Variants in MYO1F observed in about 807,000 individuals in gnomAD.
MYO1F encodes the protein myosin IF, also known as unconventional myosin-If.
A neutral mutation model predicts 146.6 loss-of-function variants in MYO1F; 60 were observed. The observed-to-expected ratio is 0.41, with a 90% confidence interval of 0.33 to 0.51. The LOEUF (loss-of-function observed/expected upper bound fraction) is 0.51, where lower values mean the gene tolerates loss of function less well. MYO1F is among the 20% of genes least tolerant of loss of function. The pLI is 0.25. For synonymous variants in MYO1F, 602 were observed against 602.1 expected, an observed-to-expected ratio of 1.00 and a Z score of 0.00; for missense variants, 1,274 against 1,534.3, an observed-to-expected ratio of 0.83 and a Z score of 2.83.
chr19:8,563,084 C>T (rs79348958), intron 1 of MYO1F, among the ~76,000 whole-genome samples: 14,436 of 151,696 alleles, frequency 0.095, 861 homozygotes, highest in Non-Finnish European at 0.13. Flanking sequence ...CTCTGCCTCC[C>T]GGGTCCAAGT....
At chr19:8,543,909 G>A (rs1446131736) in intron 14 of MYO1F, among the ~76,000 whole-genome samples, 5 of 108,104 alleles carry the variant, frequency 4.6e-5, no homozygotes, top group African/African-American at 2.3e-4. Context: ...GGTGGTGGTG[G>A]TGGTGGTGGT....
intron 19 of MYO1F, among the ~76,000 whole-genome samples, chr19:8,535,711 G>A (rs191693528): frequency 1.4e-5 from 2 of 147,720 alleles, no homozygotes; most frequent in Non-Finnish European, 3.0e-5. Flanking sequence ...ACGGAGTCTC[G>A]CTCTGTCGCC....
chr19:8,543,675 CTGGTGGTGG>C (rs1191447239), intron 14 of MYO1F, among the ~76,000 whole-genome samples: 2 of 36,196 alleles, frequency 5.5e-5, no homozygotes, highest in South Asian at 1.3e-3. Context: ...GGTGGTGGTG[CTGGTGGTGG>C]TGGTGGTGGT....
At chr19:8,571,421 C>CTCT (rs1555731840) in intron 1 of MYO1F, among the ~76,000 whole-genome samples, 1 of 144,740 alleles carries the variant, frequency 6.9e-6, no homozygotes, top group Non-Finnish European at 1.5e-5. Context: ...CTCTCTCTCT[C>CTCT]TTTTTTTTTT....
intron 2 of MYO1F, 65 bp from the exon 3 acceptor site, chr19:8,554,808 G>A (rs1973776234): frequency 2.1e-6 from 3 of 1,440,076 alleles, no homozygotes; most frequent in Admixed American, 3.4e-5. Flanking sequence ...CCCTCATCCT[G>A]CCCCCACCCA....
rs1973561058 is a variant in MYO1F at position 8,550,560 on chromosome 19, A to G, written c.904+2T>C. On this transcript the variant is annotated splice_donor_variant, in intron 9 of 27. Coordinates refer to ENST00000644032, the MANE Select transcript of MYO1F (RefSeq NM_012335.4). LOFTEE classifies it high-confidence loss of function. ...CCAGCCCTCCCTGATACCCACACTC[A>G]CGGTCCACACTCTCCACTCGGGCGT... 6.2e-7 allele frequency: 1 copy of G among 1,613,752 alleles called. No individual in the cohort carries two copies. Among genetic ancestry groups the G allele is most frequent in the South Asian group, 1.1e-5 (1 of 91,076 alleles).
intron 27 of MYO1F, 133 bp downstream of exon 27, chr19:8,522,244 G>T (rs375412458): frequency 3.6e-6 from 4 of 1,122,644 alleles, no homozygotes; most frequent in Admixed American, 3.8e-5. Context: ...GGATGGTCTC[G>T]ATCTCCTGAC....
At position 8,530,091 on chromosome 19, in the gene MYO1F, G is replaced by A. The variant is rs1972417667; in HGVS notation, c.2328+105C>T. ...AGGGTGTACCTGTGATGGAACAGAT[G>A]GATCTAGGCTGGGGGATATCTGGCT... On this transcript the variant is annotated intron_variant, in intron 21 of 27. Coordinates refer to ENST00000644032, the MANE Select transcript of MYO1F (RefSeq NM_012335.4). This position sits in a 1 kb window ranked among gnomAD's most constrained non-coding sequence, Gnocchi z 5.8. The A allele has an allele frequency of 3.4e-6, 5 of 1,474,468 alleles. No individual in the cohort carries two copies. The highest frequency in any genetic ancestry group is 2.3e-5 in the South Asian group (2 of 88,262). 91.3% of individuals were successfully genotyped at this position (1,474,468 alleles called of 1,614,324 possible).
At chr19:8,537,181 T>C in intron 16 of MYO1F, 126 bp from the exon 17 acceptor site, 1 of 692,628 alleles carries the variant, frequency 1.4e-6, no homozygotes, top group South Asian at 1.6e-5. Context: ...TGGTAACAGA[T>C]AAGCCACAGG....
chr19:8,544,434 C>T lies in MYO1F; in HGVS notation c.1387G>A (p.Asp463Asn). 7 of 1,611,798 alleles carry T rather than the reference C, an allele frequency of 4.3e-6. No individual in the cohort carries two copies. Among genetic ancestry groups the T allele is most frequent in the Non-Finnish European group, 5.9e-6 (7 of 1,179,754 alleles). The change falls in exon 14 of 28, where the codon GAC (aspartate) becomes AAC (asparagine). Residue 463 changes from aspartate (D) to asparagine (N), a missense_variant. Asp to Asn is a conservative substitution (Grantham distance 23). Transcript: ENST00000644032. The stretch of plus-strand genomic sequence containing the variant: ...GTGGCGTGCATGGTGGCGCACACGT[C>T]GTCCAAGACGCTCATGATGCCTGGG... ...SPPGIMSVLD[D>N]VCATMHATGG...
chr19:8,540,303 G>A (rs919854690), intron 15 of MYO1F: 2 of 359,974 alleles, frequency 5.6e-6, no homozygotes, highest in Non-Finnish European at 9.9e-6. Flanking sequence ...TGTATTGAAT[G>A]CCACTGAATT....
intron 19 of MYO1F, among the ~76,000 whole-genome samples, chr19:8,534,543 G>A (rs1333335308): frequency 6.6e-6 from 1 of 151,904 alleles, no homozygotes; most frequent in Non-Finnish European, 1.5e-5. Context: ...CTAACCTCAA[G>A]TGATCCACCA....
chr19:8,571,377 G>T (rs558745656), intron 1 of MYO1F, among the ~76,000 whole-genome samples: 1 of 152,108 alleles, frequency 6.6e-6, no homozygotes, highest in East Asian at 1.9e-4. Context: ...CCTCAGGGGA[G>T]CAGGGGGACT....
At chr19:8,536,213 TC>T (rs1214529669) in intron 19 of MYO1F, 38 bp downstream of exon 19, 1 of 1,596,856 alleles carries the variant, frequency 6.3e-7, no homozygotes, top group Admixed American at 1.7e-5. Context: ...TTCTCTCTCT[TC>T]CCCTCTCCTT....
In MYO1F at chr19:8,555,652, AG is replaced by A. The variant is rs754683729; in HGVS notation, c.141+6del. 6.2e-7 allele frequency: 1 copy of A among 1,613,828 alleles called. No individual in the cohort carries two copies. Among genetic ancestry groups the A allele is most frequent in the Non-Finnish European group, 8.5e-7 (1 of 1,179,930 alleles). On this transcript the variant is annotated splice_donor_region_variant and intron_variant, in intron 2 of 27. Coordinates refer to ENST00000644032, the MANE Select transcript of MYO1F (RefSeq NM_012335.4). ...GCCTGCCCACCCCCAGCCTTGGCCC[AG>A]GGTACGAAGATGTAGTCGTCCATGA...
chr19:8,567,456 C>T (rs2042025626), intron 1 of MYO1F, among the ~76,000 whole-genome samples: 1 of 152,082 alleles, frequency 6.6e-6, no homozygotes, highest in Non-Finnish European at 1.5e-5. Context: ...GCAACCTCCA[C>T]CTCCTGGGTT....
rs1972879507 is a variant in MYO1F at position 8,539,799 on chromosome 19, T to C, written c.1692+148A>G. The C allele has an allele frequency of 1.3e-5, 9 of 674,110 alleles. No homozygotes were observed. The East Asian group carries it at 2.3e-4, about 17-fold the overall frequency. 41.8% of individuals were successfully genotyped at this position (674,110 alleles called of 1,614,324 possible). A position where few individuals can be genotyped will look rare whatever the true frequency, so the allele number is the denominator to read the frequency against. On this transcript the variant is annotated intron_variant, in intron 16 of 27. Coordinates refer to ENST00000644032, the MANE Select transcript of MYO1F (RefSeq NM_012335.4). The stretch of plus-strand genomic sequence containing the variant: ...ACCCAGAGCTGGAGGAAGACCCTGC[T>C]GAACAGATGACGTCACAGTCAGAGG...
At position 8,530,577 on chromosome 19, in the gene MYO1F, G is replaced by C. The variant is rs1279776905; in HGVS notation, c.2044-4C>G. On this transcript the variant is annotated splice_polypyrimidine_tract_variant and splice_region_variant and intron_variant, in intron 19 of 27. Transcript: ENST00000644032. This position sits in a 1 kb window ranked among gnomAD's most constrained non-coding sequence, Gnocchi z 5.8. Reference sequence around the variant, plus strand: ...GCACCTCCTCCAGGAGGAAAAGCTGGGCGGGGGTCGTGGGGGGCAAGGGTG... The same window carrying C: ...GCACCTCCTCCAGGAGGAAAAGCTGCGCGGGGGTCGTGGGGGGCAAGGGTG... 1 of 1,609,228 alleles carries C rather than the reference G, an allele frequency of 6.2e-7. No individual in the cohort carries two copies. Among genetic ancestry groups the C allele is most frequent in the African/African-American group, 1.3e-5 (1 of 75,038 alleles).
In MYO1F at chr19:8,552,055, C is replaced by T; in HGVS notation, c.614G>A (p.Arg205Lys). 6.2e-7 allele frequency: 1 copy of T among 1,614,048 alleles called. No individual in the cohort carries two copies. The highest frequency in any genetic ancestry group is 1.1e-5 in the South Asian group (1 of 91,086). The change falls in exon 7 of 28, where the codon AGG becomes AAG. Residue 205 changes from arginine (R) to lysine (K), a missense_variant. Physicochemically the swap from Arg to Lys is conservative, Grantham distance 26. This residue lies in a region of MYO1F where 900 missense variants were observed against 1,155.1 expected (regional missense o/e 0.78). Coordinates refer to ENST00000644032, the MANE Select transcript of MYO1F (RefSeq NM_012335.4). The stretch of plus-strand genomic sequence containing the variant: ...CACCTGGTAGTAGATGTGGAAGTTC[C>T]TCTCATTTTCATTTTGCATGACCAC... ...SRVVMQNENE[R>K]NFHIYYQLLE...
Sources: gnomAD v4.1 joint callset for allele counts (sites outside exome capture counted in the v4.1 genomes callset) on GRCh38, gnomAD v4.1.1 for gene constraint, gnomAD v4.1.1 regional missense constraint, Gnocchi (gnomAD v3.1) non-coding constraint, MANE v1.5 for transcripts, NCBI Gene and HGNC (gene_info 2026-07-23, HGNC 2026-07-21) for gene names.